POM121: variants seen among roughly 807,000 people sequenced by gnomAD.
The protein encoded by POM121 is nuclear envelope pore membrane protein POM 121.
In POM121, 32 loss-of-function variants were observed where a neutral mutation model predicts 81.3. That is an observed-to-expected ratio of 0.39 (90% CI 0.30 to 0.53). The LOEUF (loss-of-function observed/expected upper bound fraction) is 0.53, where lower values mean the gene tolerates loss of function less well. Ranked by LOEUF, POM121 falls within the 20% of genes least tolerant of loss-of-function variation. The probability of loss-of-function intolerance (pLI) is 0.66; values close to 1 mark genes in which losing one functional copy is unlikely to be tolerated. For synonymous variants in POM121, 514 were observed against 694.2 expected, an observed-to-expected ratio of 0.74 and a Z score of 4.08; for missense variants, 1,138 against 1,614.6, an observed-to-expected ratio of 0.70 and a Z score of 5.06.
intron 10 of POM121, among the ~76,000 whole-genome samples, 184 bp from the exon 11 acceptor site, chr7:72,941,653 C>G: frequency 6.6e-6 from 1 of 151,962 alleles, no homozygotes; most frequent in East Asian, 1.9e-4. Flanking sequence ...GTCTGATGAT[C>G]TGTGAGGTAG....
Position 72,943,052 on chromosome 7 carries a change from C to T in POM121, c.3059C>T (p.Ala1020Val), listed in dbSNP as rs782087215. 8.7e-6 allele frequency: 14 copies of T among 1,613,768 alleles called. 1 individual carries two copies. Among genetic ancestry groups the T allele is most frequent in the African/African-American group, 6.7e-5 (5 of 74,932 alleles). The change falls in exon 11 of 13, where the codon GCG becomes GTG. Residue 1020 changes from alanine (A) to valine (V), a missense_variant. By Grantham distance (64) the Ala-to-Val change is moderately conservative (BLOSUM62 0). Around this residue, in one of 7 missense-constraint regions of POM121, gnomAD observed 336 missense variants for 344.3 expected, o/e 0.98. Coordinates refer to ENST00000434423, the MANE Select transcript of POM121 (RefSeq NM_001387691.1). The part of the protein sequence containing the change: ...APPSMIKVVP[A>V]YVPTPIHPIF... ...CCGTCCATGATCAAGGTCGTGCCTG[C>T]GTACGTGCCTACGCCCATCCATCCT... is the stretch of plus-strand genomic sequence containing the variant.
intron 3 of POM121, among the ~76,000 whole-genome samples, chr7:72,892,636 C>T (rs1343736181): frequency 6.6e-6 from 1 of 151,776 alleles, no homozygotes; most frequent in African/African-American, 2.4e-5. Context: ...TCCTCTCTTC[C>T]CTCCCTCCCT....
intron 3 of POM121, among the ~76,000 whole-genome samples, chr7:72,908,990 A>G (rs1374499003): frequency 1.3e-5 from 2 of 152,256 alleles, no homozygotes; most frequent in African/African-American, 4.8e-5. Flanking sequence ...AAAGACAGGC[A>G]TAGAAAATCA....
chr7:72,925,027 GTCGCGCGCGCATGACGTA>G, upstream of POM121: 1 of 1,332,084 alleles, frequency 7.5e-7, no homozygotes, highest in Non-Finnish European at 9.5e-7. Context: ...GTCTCCCGGA[GTCGCGCGCGCATGACGTA>G]GAGGGCGCGC....
chr7:72,911,186 T>G (rs1483294246), intron 3 of POM121, among the ~76,000 whole-genome samples: 22 of 152,100 alleles, frequency 1.4e-4, no homozygotes, highest in African/African-American at 4.3e-4. Flanking sequence ...GTTTCACCAT[T>G]TTGGCCAGGC....
At chr7:72,945,845 A>G in intron 12 of POM121, 137 bp downstream of exon 12, 1 of 1,436,260 alleles carries the variant, frequency 7.0e-7, no homozygotes, top group Non-Finnish European at 9.3e-7. Flanking sequence ...GGAGTCCAGC[A>G]CAACCCAGGG....
chr7:72,910,737 T>G lies in POM121; in HGVS notation c.-215-3028T>G, dbSNP rs184166033. ...GGTGTGTGTAGTCAAAAGGGCACTGTCCCGCAGGGCCGCCCTCTTCGCTGT... is the reference window on the plus strand; with the variant it reads ...GGTGTGTGTAGTCAAAAGGGCACTGGCCCGCAGGGCCGCCCTCTTCGCTGT... On this transcript the variant is annotated intron_variant, in intron 3 of 15. Coordinates refer to the POM121 transcript ENST00000395270. Among the ~76,000 whole-genome samples, 11 of 152,076 alleles carry G rather than the reference T, an allele frequency of 7.2e-5. No homozygotes were observed. In the East Asian group the frequency reaches 1.9e-3, roughly 27 times the overall value.
intron 7 of POM121, 123 bp downstream of exon 7, chr7:72,939,532 CAA>C (rs1796856013): frequency 7.1e-7 from 1 of 1,404,500 alleles, no homozygotes; most frequent in African/African-American, 1.5e-5. Context: ...ATGTTAGATA[CAA>C]AGAGAGAGAT....
At chr7:72,929,734 A>G (rs2129578195) in intron 4 of POM121, among the ~76,000 whole-genome samples, 1 of 152,344 alleles carries the variant, frequency 6.6e-6, no homozygotes, top group South Asian at 2.1e-4. Context: ...AGAATATTCT[A>G]TAAATGGAAA....
chr7:72,892,817 C>A (rs540899580), intron 3 of POM121, among the ~76,000 whole-genome samples: 1 of 152,204 alleles, frequency 6.6e-6, no homozygotes, highest in African/African-American at 2.4e-5. Context: ...CAGGTGCACA[C>A]CACCATGCCT....
intron 5 of POM121, among the ~76,000 whole-genome samples, chr7:72,937,201 G>A (rs1414197086): frequency 6.6e-6 from 1 of 151,266 alleles, no homozygotes; most frequent in Admixed American, 6.6e-5. Context: ...GTTGCAGTGA[G>A]CTGAGATCGC....
rs1318446672 is a variant in POM121, at chr7:72,894,615, T to G, written c.-216+3505T>G. On this transcript the variant is annotated intron_variant, in intron 3 of 15. Transcript: ENST00000395270. Reference sequence around the variant, plus strand: ...AACTCTTTCTAGAGAGAGAGAGAGATGAGAGAGAGAGGAGAGAGAGAGAGA... The same window carrying G: ...AACTCTTTCTAGAGAGAGAGAGAGAGGAGAGAGAGAGGAGAGAGAGAGAGA... Among the ~76,000 whole-genome samples, 177 of 71,026 alleles carry G rather than the reference T, an allele frequency of 2.5e-3. 17 individuals carry two copies. The highest frequency in any genetic ancestry group is 9.3e-3 in the Middle Eastern group (1 of 108). The allele number at this position is 71,026 out of a possible 152,430, so 46.6% of individuals were successfully genotyped here.
chr7:72,946,250 C>T lies in POM121; in HGVS notation c.*16C>T. Reference sequence around the variant, plus strand: ...CAAAAAGTAGCCTTTGTCCCCTGTCCCTGTTCCCCCCACCCCTTCCCTAAA... The same window carrying T: ...CAAAAAGTAGCCTTTGTCCCCTGTCTCTGTTCCCCCCACCCCTTCCCTAAA... On this transcript the variant is annotated 3_prime_UTR_variant, in exon 13 of 13. Coordinates refer to ENST00000434423, the MANE Select transcript of POM121 (RefSeq NM_001387691.1). The T allele has an allele frequency of 6.2e-7, 1 of 1,610,178 alleles. No homozygotes were observed. The highest frequency in any genetic ancestry group is 8.5e-7 in the Non-Finnish European group (1 of 1,178,892).
intron 3 of POM121, among the ~76,000 whole-genome samples, chr7:72,894,086 A>G (rs1446512269): frequency 1.3e-5 from 2 of 152,062 alleles, no homozygotes; most frequent in Non-Finnish European, 2.9e-5. Context: ...AACCTGGCCA[A>G]CAGAATGAGA....
At chr7:72,936,887 G>C (rs1796562744) in intron 5 of POM121, among the ~76,000 whole-genome samples, 1 of 152,106 alleles carries the variant, frequency 6.6e-6, no homozygotes. Flanking sequence ...GGCTCAAGCA[G>C]TTCTCCTGCC....
intron 4 of POM121, among the ~76,000 whole-genome samples, chr7:72,916,741 T>C (rs1418992673): frequency 6.6e-6 from 1 of 152,202 alleles, no homozygotes; most frequent in East Asian, 1.9e-4. Context: ...ATTGACTCTG[T>C]AAATTATTTT....
chr7:72,898,700 A>T (rs1329225542), intron 3 of POM121, among the ~76,000 whole-genome samples: 1 of 149,826 alleles, frequency 6.7e-6, no homozygotes, highest in African/African-American at 2.4e-5. Flanking sequence ...CGGTAGGCTG[A>T]GGCAGGAGAA....
intron 1 of POM121, chr7:72,890,583 T>A (rs782206092): frequency 1.3e-6 from 2 of 1,593,324 alleles, no homozygotes; most frequent in Non-Finnish European, 1.7e-6. Flanking sequence ...TATCCCCCTA[T>A]CCCTTTTCCA....
intron 3 of POM121, among the ~76,000 whole-genome samples, chr7:72,904,453 G>T (rs1408697833): frequency 7.2e-5 from 11 of 152,184 alleles, no homozygotes; most frequent in African/African-American, 2.7e-4. Context: ...TGAGTTCTGG[G>T]TTAGGTGAAA....
Sources: allele counts gnomAD v4.1 joint callset (sites outside exome capture counted in the v4.1 genomes callset), GRCh38; gene constraint gnomAD v4.1.1; regional missense constraint gnomAD v4.1.1; transcripts MANE v1.5; gene names NCBI Gene and HGNC (gene_info 2026-07-23, HGNC 2026-07-21).